The following MED25 variants were observed in gnomAD, a reference collection of about 807,000 sequenced individuals.
The protein encoded by MED25 is mediator complex subunit 25, also known as mediator of RNA polymerase II transcription subunit 25.
Under a neutral mutation model 89.4 loss-of-function variants are expected in MED25, and 62 were observed. The ratio of observed to expected loss-of-function variants is 0.69; its 90% confidence interval spans 0.57 to 0.86. The LOEUF (loss-of-function observed/expected upper bound fraction) is 0.86. Ranked by LOEUF, MED25 falls within the 40% of genes least tolerant of loss-of-function variation. MED25 has a pLI of 0.00. For missense variants in MED25, 905 were observed against 1,005.2 expected, an observed-to-expected ratio of 0.90 and a Z score of 1.35; for synonymous variants, 449 against 427.9, an observed-to-expected ratio of 1.05 and a Z score of -0.61.
At chr19:49,838,496 G>T (rs952313151), downstream of MED25, 4 of 441,290 alleles carry the variant, frequency 9.1e-6, no homozygotes, top group African/African-American at 8.0e-5. Flanking sequence ...CACTGCCTTT[G>T]TCACGGGGTT....
chr19:49,830,929 C>T lies in MED25; in HGVS notation c.1101+42C>T, dbSNP rs554993448. Reference sequence around the variant, plus strand: ...CTCCTGCCCCTGCTCCTTCCTCCTGCTGTCCACAGCTAGGACAGTTAGAGG... The same window carrying T: ...CTCCTGCCCCTGCTCCTTCCTCCTGTTGTCCACAGCTAGGACAGTTAGAGG... On this transcript the variant is annotated intron_variant, in intron 9 of 17. Transcript: ENST00000312865. This position sits in a 1 kb window ranked among gnomAD's most constrained non-coding sequence, Gnocchi z 4.6. The T allele has an allele frequency of 8.9e-6, 14 of 1,575,188 alleles. No individual in the cohort carries two copies. In the East Asian group the frequency reaches 2.9e-4, roughly 33 times the overall value.
chr19:49,828,841 T>C, intron 4 of MED25, 129 bp from the exon 5 acceptor site: 1 of 1,522,700 alleles, frequency 6.6e-7, no homozygotes, highest in South Asian at 1.2e-5. Flanking sequence ...TGTTCTCAGC[T>C]GTAAAGTAGG....
In MED25 at chr19:49,836,472, C is replaced by A; in HGVS notation, c.2146+66C>A. ...TCCCAGCAGCTCCTGGGCTAGAGCA[C>A]CAAGACCGAGTGCTCCTGGGAAGTA... On this transcript the variant is annotated intron_variant, in intron 17 of 17. Coordinates refer to ENST00000312865, the MANE Select transcript of MED25 (RefSeq NM_030973.4). The surrounding 1 kb of genome is among the most constrained non-coding windows in gnomAD (Gnocchi z 5.1). 3.9e-6 allele frequency: 6 copies of A among 1,524,632 alleles called. No individual in the cohort carries two copies. The highest frequency in any genetic ancestry group is 5.3e-6 in the Non-Finnish European group (6 of 1,122,868). The allele number at this position is 1,524,632 out of a possible 1,614,324, so 94.4% of individuals were successfully genotyped here.
intron 11 of MED25, 36 bp downstream of exon 11, chr19:49,832,057 G>T: frequency 6.2e-7 from 1 of 1,613,584 alleles, no homozygotes; most frequent in Non-Finnish European, 8.5e-7. Flanking sequence ...TGGTGGGGCT[G>T]GGGCTGGCCC....
rs2074092435 is a variant in MED25, at chr19:49,835,784, A to G, written c.1804A>G (p.Thr602Ala). ...GGGTACCGTAGGGGCCTCTGGGGCCACGGGGCAGCCCCAGCCCCAAGGTAC... is the reference window on the plus strand; with the variant it reads ...GGGTACCGTAGGGGCCTCTGGGGCCGCGGGGCAGCCCCAGCCCCAAGGTAC... ...PQGTVGASGA[T>A]GQPQPQGTAQ... The change falls in exon 16 of 18, where the codon ACG becomes GCG. Residue 602 changes from threonine (T) to alanine (A), a missense_variant. By Grantham distance (58) the Thr-to-Ala change is moderately conservative. Coordinates refer to ENST00000312865, the MANE Select transcript of MED25 (RefSeq NM_030973.4). This position sits in a 1 kb window ranked among gnomAD's most constrained non-coding sequence, Gnocchi z 6.2. 1 of 1,605,622 alleles carries G rather than the reference A, an allele frequency of 6.2e-7. No homozygotes were observed. The highest frequency in any genetic ancestry group is 8.5e-7 in the Non-Finnish European group (1 of 1,174,244).
chr19:49,818,337 G>C lies in MED25; in HGVS notation c.-5G>C. The C allele has an allele frequency of 6.3e-7, 1 of 1,578,792 alleles. No individual in the cohort carries two copies. The highest frequency in any genetic ancestry group is 8.6e-7 in the Non-Finnish European group (1 of 1,161,570). ...GCAGTGGTGGTGGCGGGTACCGCAC[G>C]GGGTATGGTCCCCGGGTCCGAGGGC... On this transcript the variant is annotated 5_prime_UTR_variant, in exon 1 of 18. Coordinates refer to ENST00000312865, the MANE Select transcript of MED25 (RefSeq NM_030973.4).
chr19:49,825,204 T>C (rs1170084642), intron 3 of MED25, among the ~76,000 whole-genome samples: 1 of 152,150 alleles, frequency 6.6e-6, no homozygotes, highest in Non-Finnish European at 1.5e-5. Flanking sequence ...AGTTTTAGCA[T>C]CTCAAACTGG....
Position 49,834,819 on chromosome 19 carries a change from TTC to T in MED25, c.1483-165_1483-164del. 1.4e-6 allele frequency: 1 copy of T among 693,230 alleles called. No homozygotes were observed. The highest frequency in any genetic ancestry group is 2.5e-6 in the Non-Finnish European group (1 of 400,898). 42.9% of individuals were successfully genotyped at this position (693,230 alleles called of 1,614,324 possible). On this transcript the variant is annotated intron_variant, in intron 13 of 17. Coordinates refer to ENST00000312865, the MANE Select transcript of MED25 (RefSeq NM_030973.4). The surrounding 1 kb of genome is among the most constrained non-coding windows in gnomAD (Gnocchi z 4.1). ...CCTAGCTTGCCCTGAGCGCCTCAGTTTCTGTCTCCAGAGCAACCCATAGCACA... is the reference window on the plus strand; with the variant it reads ...CCTAGCTTGCCCTGAGCGCCTCAGTTTGTCTCCAGAGCAACCCATAGCACA...
chr19:49,821,685 C>CGG, intron 3 of MED25, among the ~76,000 whole-genome samples: 1 of 152,002 alleles, frequency 6.6e-6, no homozygotes, highest in African/African-American at 2.4e-5. Context: ...GGCATGGTGG[C>CGG]GCATGCCTGT....
Position 49,836,154 on chromosome 19 carries a change from T to C in MED25, c.1966-72T>C. 1 of 1,559,340 alleles carries C rather than the reference T, an allele frequency of 6.4e-7. No homozygotes were observed. Among genetic ancestry groups the C allele is most frequent in the African/African-American group, 1.4e-5 (1 of 73,974 alleles). ...CCTCACCACTAGCTGATTCCATCTC[T>C]GAGCAGTGTCTGTGTTGAGAGGTGG... On this transcript the variant is annotated intron_variant, in intron 16 of 17. Transcript: ENST00000312865. This position sits in a 1 kb window ranked among gnomAD's most constrained non-coding sequence, Gnocchi z 5.1.
chr19:49,835,308 C>G lies in MED25; in HGVS notation c.1674+131C>G. ...TGTGGTGCCTCCAAGCTAAGTCCCA[C>G]TCAGATTTTCTTGCAGTCTCTCTCC... is the stretch of plus-strand genomic sequence containing the variant. On this transcript the variant is annotated intron_variant, in intron 14 of 17. Coordinates refer to ENST00000312865, the MANE Select transcript of MED25 (RefSeq NM_030973.4). This position sits in a 1 kb window ranked among gnomAD's most constrained non-coding sequence, Gnocchi z 6.2. The G allele has an allele frequency of 9.1e-7, 1 of 1,098,256 alleles. No homozygotes were observed. Among genetic ancestry groups the G allele is most frequent in the Non-Finnish European group, 1.4e-6 (1 of 725,298 alleles). 68.0% of individuals were successfully genotyped at this position (1,098,256 alleles called of 1,614,324 possible). A position where few individuals can be genotyped will look rare whatever the true frequency, so the allele number is the denominator to read the frequency against.
Position 49,831,363 on chromosome 19 carries a change from G to T in MED25, c.1132G>T (p.Gly378Cys). 1 of 1,611,086 alleles carries T rather than the reference G, an allele frequency of 6.2e-7. No individual in the cohort carries two copies. Residue 378 changes from glycine (G) to cysteine (C), a missense_variant, in exon 10 of 18, where the codon GGC becomes TGC. Transcript: ENST00000312865. The surrounding 1 kb of genome is among the most constrained non-coding windows in gnomAD (Gnocchi z 5.0). ...AGTVAPGGVS[G>C]PSPAQLGAPA... ...CACTGTGGCCCCAGGAGGGGTGAGC[G>T]GCCCTTCCCCAGCCCAGCTGGGAGC... is the stretch of plus-strand genomic sequence containing the variant.
rs1362017240 is a variant in MED25 at position 49,818,350 on chromosome 19, C to T, written c.9C>T (p.Pro3=). 4 of 1,593,794 alleles carry T rather than the reference C, an allele frequency of 2.5e-6. No homozygotes were observed. Among genetic ancestry groups the T allele is most frequent in the Admixed American group, 3.5e-5 (2 of 56,600 alleles). The stretch of plus-strand genomic sequence containing the variant: ...CGGGTACCGCACGGGGTATGGTCCC[C>T]GGGTCCGAGGGCCCGGCCCGCGCCG... MV[P]GSEGPARAGS... is the part of the protein sequence containing the mutation. Residue 3 remains proline (P), a synonymous_variant, in exon 1 of 18, where the codon CCC becomes CCT. Transcript: ENST00000312865.
In MED25 at chr19:49,835,536, G is replaced by T. The variant is rs369006637; in HGVS notation, c.1677G>T (p.Met559Ile). 1.3e-6 allele frequency: 2 copies of T among 1,557,392 alleles called. No homozygotes were observed. Among genetic ancestry groups the T allele is most frequent in the South Asian group, 1.2e-5 (1 of 84,434 alleles). Residue 559 changes from methionine (M) to isoleucine (I), a missense_variant and splice_region_variant, in exon 15 of 18, where the codon ATG becomes ATT. Around this residue, in one of 3 missense-constraint regions of MED25, gnomAD observed 271 missense variants for 258.1 expected, o/e 1.05. Coordinates refer to ENST00000312865, the MANE Select transcript of MED25 (RefSeq NM_030973.4). The surrounding 1 kb of genome is among the most constrained non-coding windows in gnomAD (Gnocchi z 6.2). ...QQKLEQQQRG[M>I]GGQQAPPGLG... is the part of the protein sequence containing the mutation. ...CCTGCCCCTCTCTCCCCGTGCAGAT[G>T]GGGGGACAGCAGGCACCCCCAGGGC...
intron 3 of MED25, among the ~76,000 whole-genome samples, chr19:49,827,635 C>G (rs973055929): frequency 6.6e-6 from 1 of 152,162 alleles, no homozygotes; most frequent in Non-Finnish European, 1.5e-5. Flanking sequence ...ACTCGATTAC[C>G]TGTGTAAAGA....
At chr19:49,832,549 T>G in intron 13 of MED25, 134 bp downstream of exon 13, 4 of 681,662 alleles carry the variant, frequency 5.9e-6, no homozygotes, top group Admixed American at 2.1e-5. Context: ...TGCCCTTAGG[T>G]TCCTCGCCTT....
Position 49,835,677 on chromosome 19 carries a change from G to C in MED25, c.1747-50G>C, listed in dbSNP as rs1446595829. 2 of 1,585,126 alleles carry C rather than the reference G, an allele frequency of 1.3e-6. No homozygotes were observed. The highest frequency in any genetic ancestry group is 1.8e-5 in the Admixed American group (1 of 56,788). The stretch of plus-strand genomic sequence containing the variant: ...AGGCTGCGCTCTGTGCCTGCAGAAG[G>C]GGCGTGAGGCCCTGCCCATCTCCCT... On this transcript the variant is annotated intron_variant, in intron 15 of 17. Coordinates refer to ENST00000312865, the MANE Select transcript of MED25 (RefSeq NM_030973.4). This position sits in a 1 kb window ranked among gnomAD's most constrained non-coding sequence, Gnocchi z 6.2.
At chr19:49,827,548 C>G (rs535412330) in intron 3 of MED25, among the ~76,000 whole-genome samples, 1 of 152,238 alleles carries the variant, frequency 6.6e-6, no homozygotes, top group East Asian at 1.9e-4. Flanking sequence ...CTTGTGTCTT[C>G]CCTCTGTGTG....
intron 3 of MED25, among the ~76,000 whole-genome samples, chr19:49,822,617 C>A (rs1488202632): frequency 2.1e-5 from 3 of 144,988 alleles, no homozygotes; most frequent in Non-Finnish European, 3.0e-5. Context: ...AGTTACACGT[C>A]ATGTCATTAT....
Sources: gnomAD v4.1 joint callset for allele counts (sites outside exome capture counted in the v4.1 genomes callset) on GRCh38, gnomAD v4.1.1 for gene constraint, gnomAD v4.1.1 regional missense constraint, Gnocchi (gnomAD v3.1) non-coding constraint, MANE v1.5 for transcripts, NCBI Gene and HGNC (gene_info 2026-07-23, HGNC 2026-07-21) for gene names.